TNRC6A: variants seen among roughly 807,000 people sequenced by gnomAD.
TNRC6A encodes the protein trinucleotide repeat containing adaptor 6A.
In TNRC6A, 44 loss-of-function variants were observed where a neutral mutation model predicts 221.2. The observed-to-expected ratio is 0.20, with a 90% confidence interval of 0.16 to 0.26. The LOEUF is 0.26. TNRC6A is among the 10% of genes least tolerant of loss of function. The pLI, the probability that TNRC6A is intolerant of heterozygous loss-of-function variation, is 1.00. For missense variants in TNRC6A, 2,199 were observed against 2,404.4 expected (o/e 0.91, Z 1.79); for synonymous variants, 847 against 838.5 (o/e 1.01, Z -0.18).
intron 1 of TNRC6A, among the ~76,000 whole-genome samples, chr16:24,632,248 C>A (rs1901385256): frequency 6.6e-6 from 1 of 152,206 alleles, no homozygotes; most frequent in African/African-American, 2.4e-5. Flanking sequence ...GATCATCCCC[C>A]TGTGGTTTAT....
intron 2 of TNRC6A, among the ~76,000 whole-genome samples, chr16:24,667,651 A>T (rs1412223609): frequency 6.6e-6 from 1 of 152,088 alleles, no homozygotes; most frequent in Admixed American, 6.6e-5. Context: ...AGTATTACCT[A>T]CCCCCCAGTT....
At chr16:24,614,307 C>T (rs1342506568) in intron 1 of TNRC6A, among the ~76,000 whole-genome samples, 5 of 152,170 alleles carry the variant, frequency 3.3e-5, no homozygotes, top group Non-Finnish European at 7.3e-5. Context: ...GTTACGTAGT[C>T]AAGCCCAGAG....
At position 24,816,906 on chromosome 16, in the gene TNRC6A, T is replaced by G; in HGVS notation, c.4922T>G (p.Leu1641Arg). The change falls in exon 20 of 25, where the codon CTT (leucine) becomes CGT (arginine). Residue 1641 changes from leucine (L) to arginine (R), a missense_variant. Coordinates refer to ENST00000395799, the MANE Select transcript of TNRC6A (RefSeq NM_014494.4). Reference protein sequence around the residue: ...YVTPGSVINNLSINTVREVDH... With the variant: ...YVTPGSVINNRSINTVREVDH... ...ACTCCTGGCAGTGTCATAAACAATC[T>G]TTCAATTAATACTGTGCGGGAAGTT... 1 of 1,614,186 alleles carries G rather than the reference T, an allele frequency of 6.2e-7. No individual in the cohort carries two copies. The highest frequency in any genetic ancestry group is 2.2e-5 in the East Asian group (1 of 44,888).
intron 5 of TNRC6A, among the ~76,000 whole-genome samples, chr16:24,784,408 C>T (rs529041187): frequency 6.6e-6 from 1 of 152,346 alleles, no homozygotes; most frequent in African/African-American, 2.4e-5. Flanking sequence ...ACTACAGCCT[C>T]AACCTCCCAG....
At chr16:24,820,464 A>T in intron 22 of TNRC6A, 104 bp downstream of exon 22, 1 of 1,008,522 alleles carries the variant, frequency 9.9e-7, no homozygotes, top group Non-Finnish European at 1.5e-6. Flanking sequence ...CTATTGCCTC[A>T]CCTCCATCAG....
At position 24,634,657 on chromosome 16, in the gene TNRC6A, A is replaced by G. The variant is rs543023511; in HGVS notation, n.277-6227A>G. On this transcript the variant is annotated intron_variant and non_coding_transcript_variant, in intron 1 of 2. Coordinates refer to the TNRC6A transcript ENST00000566108. ...GTGTTTGTCACATCGCTTCCCTACT[A>G]AGAAAACAGAATTGTTATCCCAGGT... Among the ~76,000 whole-genome samples, 6 of 152,286 alleles carry G rather than the reference A, an allele frequency of 3.9e-5. No homozygotes were observed. In the South Asian group the frequency reaches 1.2e-3, roughly 32 times the overall value.
intron 1 of TNRC6A, among the ~76,000 whole-genome samples, chr16:24,636,124 G>A (rs1567314356): frequency 6.6e-6 from 1 of 152,194 alleles, no homozygotes; most frequent in Non-Finnish European, 1.5e-5. Flanking sequence ...GACGGAAACC[G>A]TCTTCTTTAC....
chr16:24,741,962 G>A (rs1037273051), intron 2 of TNRC6A, among the ~76,000 whole-genome samples: 2 of 152,106 alleles, frequency 1.3e-5, no homozygotes, highest in Non-Finnish European at 2.9e-5. Context: ...TCAGCCTCCT[G>A]AGGAGCTGGG....
chr16:24,751,761 A>T (rs2057141354), intron 3 of TNRC6A, among the ~76,000 whole-genome samples: 1 of 152,194 alleles, frequency 6.6e-6, no homozygotes, highest in Non-Finnish European at 1.5e-5. Context: ...ACTTATGTCC[A>T]CATTATTTAA....
At chr16:24,792,302 C>A (rs1315208427) in intron 6 of TNRC6A, among the ~76,000 whole-genome samples, 1 of 151,966 alleles carries the variant, frequency 6.6e-6, no homozygotes, top group Admixed American at 6.6e-5. Flanking sequence ...TTTGACAATA[C>A]CTTTCTAGTA....
intron 2 of TNRC6A, among the ~76,000 whole-genome samples, chr16:24,717,654 A>G (rs1412765445): frequency 6.6e-6 from 1 of 152,172 alleles, no homozygotes; most frequent in African/African-American, 2.4e-5. Context: ...GGAGAATCCA[A>G]TTCTTGCTGA....
chr16:24,743,450 C>T (rs200533), intron 2 of TNRC6A, among the ~76,000 whole-genome samples: 98,434 of 151,844 alleles, frequency 0.65, 32,656 homozygotes, highest in Non-Finnish European at 0.72. Flanking sequence ...CTCATCCTCT[C>T]GAGTAGTTGG....
intron 1 of TNRC6A, among the ~76,000 whole-genome samples, chr16:24,632,214 G>A (rs1032663123): frequency 5.3e-5 from 8 of 152,036 alleles, no homozygotes; most frequent in Non-Finnish European, 1.0e-4. Context: ...CACACTTCTC[G>A]TCTCCCATAA....
At chr16:24,627,270 G>T (rs1345074795) in intron 1 of TNRC6A, among the ~76,000 whole-genome samples, 2 of 152,058 alleles carry the variant, frequency 1.3e-5, no homozygotes, top group Admixed American at 6.6e-5. Context: ...AGCCTCGATT[G>T]TTTCGGAGGC....
At chr16:24,635,981 T>C (rs191209599) in intron 1 of TNRC6A, among the ~76,000 whole-genome samples, 54 of 152,350 alleles carry the variant, frequency 3.5e-4, no homozygotes, top group African/African-American at 1.3e-3. Context: ...CTTAATTCAT[T>C]ACATATTTAT....
intron 2 of TNRC6A, among the ~76,000 whole-genome samples, chr16:24,721,052 C>CA (rs1468945427): frequency 6.6e-6 from 1 of 151,948 alleles, no homozygotes; most frequent in African/African-American, 2.4e-5. Context: ...GAGACTGTCT[C>CA]AAAAAAATTA....
At chr16:24,768,366 G>A (rs886464916) in intron 4 of TNRC6A, among the ~76,000 whole-genome samples, 10 of 149,540 alleles carry the variant, frequency 6.7e-5, no homozygotes, top group Admixed American at 2.0e-4. Context: ...CCGGGAGGTG[G>A]AGCTTGCAGT....
At chr16:24,754,254 AC>A (rs990347127) in intron 3 of TNRC6A, among the ~76,000 whole-genome samples, 8 of 152,162 alleles carry the variant, frequency 5.3e-5, no homozygotes, top group Non-Finnish European at 7.4e-5. Context: ...GACGAGCCTT[AC>A]AACGATATTT....
intron 2 of TNRC6A, among the ~76,000 whole-genome samples, chr16:24,708,729 T>C (rs1269523040): frequency 6.6e-6 from 1 of 152,202 alleles, no homozygotes; most frequent in Non-Finnish European, 1.5e-5. Context: ...AGCTCCCATT[T>C]ATAATTGAGA....
Sources: allele counts gnomAD v4.1 joint callset (sites outside exome capture counted in the v4.1 genomes callset), GRCh38; gene constraint gnomAD v4.1.1; transcripts MANE v1.5; gene names NCBI Gene and HGNC (gene_info 2026-07-23, HGNC 2026-07-21).